Variants in WDR86 observed in about 807,000 individuals in gnomAD.
WDR86 encodes the protein WD repeat-containing protein 86.
Under a neutral mutation model 36.5 loss-of-function variants are expected in WDR86, and 30 were observed. That is an observed-to-expected ratio of 0.82 (90% CI 0.61 to 1.11). The LOEUF is 1.11. Ranked by LOEUF, WDR86 falls within the 50% of genes most tolerant of loss-of-function variation. The pLI, the probability that WDR86 is intolerant of heterozygous loss-of-function variation, is 0.00. For synonymous variants in WDR86, 255 were observed against 252.9 expected, an observed-to-expected ratio of 1.01 and a Z score of -0.08; for missense variants, 545 against 561.2, an observed-to-expected ratio of 0.97 and a Z score of 0.29.
At chr7:151,399,441 G>C (rs753635635) in intron 2 of WDR86, among the ~76,000 whole-genome samples, 6 of 152,184 alleles carry the variant, frequency 3.9e-5, no homozygotes, top group Non-Finnish European at 8.8e-5. Context: ...TCACCCTCCA[G>C]GCAGCGCCCC....
At chr7:151,389,820 G>A (rs1273309852) in intron 3 of WDR86, among the ~76,000 whole-genome samples, 2 of 152,218 alleles carry the variant, frequency 1.3e-5, no homozygotes, top group Non-Finnish European at 2.9e-5. Flanking sequence ...CAGTGACCCC[G>A]ACTGCATGCC....
At chr7:151,385,347 A>T in intron 3 of WDR86, 124 bp from the exon 4 acceptor site, 1 of 1,477,876 alleles carries the variant, frequency 6.8e-7, no homozygotes, top group Middle Eastern at 1.9e-4. Flanking sequence ...TGAGCCTCGA[A>T]TGGCCCCGCC....
the WDR86 span, among the ~76,000 whole-genome samples, chr7:151,369,904 GT>G: frequency 1.9e-4 from 29 of 152,302 alleles, 1 homozygote; most frequent in African/African-American, 7.0e-4. Flanking sequence ...CCCCGTGGTT[GT>G]TTGCCTACCT....
intron 4 of WDR86, 93 bp downstream of exon 4, chr7:151,384,995 G>A: frequency 7.3e-7 from 1 of 1,362,414 alleles, no homozygotes; most frequent in South Asian, 1.4e-5. Flanking sequence ...TGGCAGCCAA[G>A]GCTCAATGAG....
intron 3 of WDR86, 120 bp from the exon 4 acceptor site, chr7:151,385,343 T>C: frequency 6.7e-7 from 1 of 1,488,772 alleles, no homozygotes; most frequent in Non-Finnish European, 9.0e-7. Flanking sequence ...TGGGTGAGCC[T>C]CGAATGGCCC....
intron 2 of WDR86, among the ~76,000 whole-genome samples, chr7:151,397,343 T>C (rs930592170): frequency 5.3e-5 from 8 of 152,238 alleles, no homozygotes; most frequent in African/African-American, 1.7e-4. Flanking sequence ...CAACGACACA[T>C]GACTCCACTC....
chr7:151,369,011 C>CT, the WDR86 span: 1 of 1,145,712 alleles, frequency 8.7e-7, no homozygotes, highest in Non-Finnish European at 1.2e-6. Flanking sequence ...AGAAACTTGT[C>CT]CTTTTTTTTT....
chr7:151,393,312 G>A (rs1159659056), intron 3 of WDR86, among the ~76,000 whole-genome samples: 1 of 152,172 alleles, frequency 6.6e-6, no homozygotes, highest in African/African-American at 2.4e-5. Flanking sequence ...ACACAGGTGT[G>A]TGGGGTGGGA....
At chr7:151,392,289 T>A (rs540980987) in intron 3 of WDR86, among the ~76,000 whole-genome samples, 18 of 150,376 alleles carry the variant, frequency 1.2e-4, no homozygotes, top group African/African-American at 3.7e-4. Context: ...CGAGGCCCTC[T>A]CCCCATGTGC....
chr7:151,399,576 A>G (rs1800131624), intron 2 of WDR86, among the ~76,000 whole-genome samples: 1 of 152,274 alleles, frequency 6.6e-6, no homozygotes, highest in Non-Finnish European at 1.5e-5. Flanking sequence ...TCCATTGCTC[A>G]GCTCAGACCC....
At chr7:151,377,236 G>T, downstream of WDR86, 1 of 1,494,322 alleles carries the variant, frequency 6.7e-7, no homozygotes, top group South Asian at 1.3e-5. Context: ...ATAATGAACA[G>T]AAATAGCGCT....
chr7:151,370,872 A>G, the WDR86 span, among the ~76,000 whole-genome samples: 1 of 152,154 alleles, frequency 6.6e-6, no homozygotes, highest in East Asian at 1.9e-4. Context: ...GTGTTTTAAA[A>G]TGAGATCATT....
downstream of WDR86, among the ~76,000 whole-genome samples, chr7:151,374,871 G>C (rs569373264): frequency 6.6e-6 from 1 of 152,342 alleles, no homozygotes; most frequent in East Asian, 1.9e-4. Flanking sequence ...GACAAACTCA[G>C]AGCACACGTG....
intron 3 of WDR86, among the ~76,000 whole-genome samples, chr7:151,389,236 G>C (rs9632640): frequency 6.6e-6 from 1 of 151,474 alleles, no homozygotes; most frequent in South Asian, 2.1e-4. Flanking sequence ...GATAACAGGC[G>C]TGAGCCACCG....
At chr7:151,396,292 T>C in intron 2 of WDR86, 96 bp from the exon 3 acceptor site, 3 of 1,396,216 alleles carry the variant, frequency 2.1e-6, no homozygotes, top group Non-Finnish European at 3.0e-6. Context: ...GCAGCTAAAA[T>C]AACCTCTCCC....
intron 1 of WDR86, among the ~76,000 whole-genome samples, chr7:151,407,321 A>C (rs1313519712): frequency 2.6e-5 from 4 of 152,192 alleles, no homozygotes; most frequent in Non-Finnish European, 4.4e-5. Context: ...CCAGACACAG[A>C]GCTGGGCAGG....
At chr7:151,376,839 T>C (rs1220843244), downstream of WDR86, 2 of 1,552,366 alleles carry the variant, frequency 1.3e-6, no homozygotes, top group South Asian at 1.2e-5. Context: ...GAGGGCCGCA[T>C]TGAGAGCAAA....
chr7:151,381,047 C>G (rs1482200852), downstream of WDR86: 3 of 908,180 alleles, frequency 3.3e-6, no homozygotes, highest in Non-Finnish European at 4.2e-6. This position sits in a 1 kb window ranked among gnomAD's most constrained non-coding sequence, Gnocchi z 4.8. Flanking sequence ...GGCCCGCCGC[C>G]CTGGGTTCCT....
chr7:151,402,070 A>AAAAAAAAT lies in WDR86; in HGVS notation c.164-1830_164-1829insATTTTTTT. Among the ~76,000 whole-genome samples the AAAAAAAAT allele has an allele frequency of 3.6e-4, 18 of 50,530 alleles. 1 individual carries two copies. The highest frequency in any genetic ancestry group is 4.9e-4 in the East Asian group (1 of 2,036). The allele number at this position is 50,530 out of a possible 152,430, so 33.1% of individuals were successfully genotyped here. On this transcript the variant is annotated intron_variant, in intron 1 of 5. Coordinates refer to ENST00000334493, the MANE Select transcript of WDR86 (RefSeq NM_198285.3). ...CTCAAAAAAAAAAAAAAAAAAAAAAAATATATATATATATATATATATCTC... is the reference window on the plus strand; with the variant it reads ...CTCAAAAAAAAAAAAAAAAAAAAAAAAAAAAAATATATATATATATATATATATATCTC...
Sources: allele counts gnomAD v4.1 joint callset (sites outside exome capture counted in the v4.1 genomes callset), GRCh38; gene constraint gnomAD v4.1.1; non-coding constraint Gnocchi (gnomAD v3.1); transcripts MANE v1.5; gene names NCBI Gene and HGNC (gene_info 2026-07-23, HGNC 2026-07-21).